Variants in ABCA3 observed in about 807,000 individuals in gnomAD.
ABCA3 encodes the protein ATP binding cassette subfamily A member 3.
In ABCA3, 88 loss-of-function variants were observed where a neutral mutation model predicts 172.8. That is an observed-to-expected ratio of 0.51 (90% CI 0.43 to 0.61). The LOEUF is 0.61. ABCA3 is among the 20% of genes least tolerant of loss of function. The pLI, the probability that ABCA3 is intolerant of heterozygous loss-of-function variation, is 0.00. For synonymous variants in ABCA3, 1,066 were observed against 983.8 expected, an observed-to-expected ratio of 1.08 and a Z score of -1.56; for missense variants, 2,164 against 2,301.0, an observed-to-expected ratio of 0.94 and a Z score of 1.22.
chr16:2,325,104 G>A (rs766220282), intron 5 of ABCA3, among the ~76,000 whole-genome samples: 16 of 149,922 alleles, frequency 1.1e-4, no homozygotes, highest in Non-Finnish European at 7.3e-5. Context: ...CCGACAGCAA[G>A]GGTTTAGGAA....
chr16:2,276,873 T>C, intron 32 of ABCA3, 68 bp from the exon 33 acceptor site: 1 of 1,597,388 alleles, frequency 6.3e-7, no homozygotes, highest in East Asian at 2.2e-5. Flanking sequence ...GACCTGGGAG[T>C]CCTCTGGCAA....
At chr16:2,290,311 C>T (rs1434210600) in intron 19 of ABCA3, among the ~76,000 whole-genome samples, 3 of 152,224 alleles carry the variant, frequency 2.0e-5, no homozygotes, top group Non-Finnish European at 2.9e-5. Context: ...TGCCCATGGT[C>T]TGAGCTCCGG....
In ABCA3 at chr16:2,302,956, A is replaced by AT. The variant is rs576672742; in HGVS notation, c.1467+1012dup. On this transcript the variant is annotated intron_variant, in intron 12 of 32. Transcript: ENST00000301732. ...AGGCGCCTGCCACCACACCCAGCTA[A>AT]TTTTTTTTTTTTGTATTTCTTTAGT... 3.6e-3 allele frequency among the ~76,000 whole-genome samples: 501 copies of AT among 139,388 alleles called. 9 individuals carry two copies. The East Asian group carries it at 0.05, about 14-fold the overall frequency. 91.4% of individuals were successfully genotyped at this position (139,388 alleles called of 152,430 possible).
chr16:2,314,058 G>A (rs1462756708), intron 10 of ABCA3, among the ~76,000 whole-genome samples: 1 of 152,164 alleles, frequency 6.6e-6, no homozygotes, highest in Non-Finnish European at 1.5e-5. Flanking sequence ...CACCGGTGCA[G>A]ACACTGCGGG....
At position 2,279,279 on chromosome 16, in the gene ABCA3, C is replaced by T; in HGVS notation, c.4360-149G>A. The T allele has an allele frequency of 2.1e-6, 2 of 934,970 alleles. No homozygotes were observed. Among genetic ancestry groups the T allele is most frequent in the South Asian group, 1.6e-5 (1 of 64,316 alleles). 57.9% of individuals were successfully genotyped at this position (934,970 alleles called of 1,614,324 possible). On this transcript the variant is annotated intron_variant, in intron 28 of 32. Transcript: ENST00000301732. The surrounding 1 kb of genome is among the most constrained non-coding windows in gnomAD (Gnocchi z 4.4). ...TGTACACGGGGGCGCTGGAGCTATG[C>T]ACAGGCCGTGGTGGCTGCCCACAGT... is the stretch of plus-strand genomic sequence containing the variant.
intron 5 of ABCA3, among the ~76,000 whole-genome samples, chr16:2,325,270 A>G (rs986776895): frequency 1.3e-5 from 2 of 152,176 alleles, no homozygotes; most frequent in Non-Finnish European, 2.9e-5. Flanking sequence ...CCCTGGCTCA[A>G]GTCCACCCAG....
chr16:2,277,688 G>T lies in ABCA3; in HGVS notation c.4910-18C>A, dbSNP rs757403320. The T allele has an allele frequency of 1.2e-5, 20 of 1,612,886 alleles. No individual in the cohort carries two copies. Among genetic ancestry groups the T allele is most frequent in the Non-Finnish European group, 1.7e-5 (20 of 1,179,940 alleles). ...GACGCTGCCTGCACAAAGGAGAGAC[G>T]GTGTTGCTGTGAGCGCCGGGCTGGA... On this transcript the variant is annotated intron_variant, in intron 31 of 32. Coordinates refer to ENST00000301732, the MANE Select transcript of ABCA3 (RefSeq NM_001089.3). The surrounding 1 kb of genome is among the most constrained non-coding windows in gnomAD (Gnocchi z 5.3).
chr16:2,325,923 C>G, intron 5 of ABCA3, 87 bp downstream of exon 5: 2 of 1,587,436 alleles, frequency 1.3e-6, no homozygotes, highest in Admixed American at 3.4e-5. Context: ...CACCCAGCTG[C>G]TTCGCACATC....
chr16:2,317,875 T>A (rs1013720870), intron 8 of ABCA3, 111 bp from the exon 9 acceptor site: 163 of 942,488 alleles, frequency 1.7e-4, no homozygotes, highest in Non-Finnish European at 2.4e-4. Flanking sequence ...CAGCCCTGCA[T>A]TCGACAGGGT....
rs58185595 is a variant in ABCA3 at position 2,324,609 on chromosome 16, G to C, written c.320-78C>G. 72 of 1,590,430 alleles carry C rather than the reference G, an allele frequency of 4.5e-5. No individual in the cohort carries two copies. The African/African-American group carries it at 8.7e-4, about 19-fold the overall frequency. Reference sequence around the variant, plus strand: ...AAAAATCTGCGTGGTTCAGGTCACTGGCAGATGAAAGACGGCAAATCCTCT... The same window carrying C: ...AAAAATCTGCGTGGTTCAGGTCACTCGCAGATGAAAGACGGCAAATCCTCT... On this transcript the variant is annotated intron_variant, in intron 5 of 32. Transcript: ENST00000301732.
chr16:2,290,583 C>G (rs1364940318), intron 19 of ABCA3, among the ~76,000 whole-genome samples: 2 of 152,316 alleles, frequency 1.3e-5, no homozygotes, highest in Admixed American at 6.5e-5. Flanking sequence ...GACTCCAGGC[C>G]AGCCCGTGGT....
chr16:2,323,350 G>GCA (rs932009860), intron 7 of ABCA3, 173 bp downstream of exon 7: 1 of 793,888 alleles, frequency 1.3e-6, no homozygotes, highest in African/African-American at 1.7e-5. Flanking sequence ...AAGGACACAT[G>GCA]CACACGTATG....
In ABCA3 at chr16:2,284,232, C is replaced by G; in HGVS notation, c.3862+47G>C. On this transcript the variant is annotated intron_variant, in intron 25 of 32. Transcript: ENST00000301732. The surrounding 1 kb of genome is among the most constrained non-coding windows in gnomAD (Gnocchi z 5.9). ...GGAGGCCCCTCTGCAGTGACCACGTCCTGAGGACGCAGGGGTGCTGCCCGG... is the reference window on the plus strand; with the variant it reads ...GGAGGCCCCTCTGCAGTGACCACGTGCTGAGGACGCAGGGGTGCTGCCCGG... 6.3e-7 allele frequency: 1 copy of G among 1,593,030 alleles called. No individual in the cohort carries two copies. The highest frequency in any genetic ancestry group is 8.6e-7 in the Non-Finnish European group (1 of 1,168,710).
Position 2,287,245 on chromosome 16 carries a change from C to G in ABCA3, c.3005-278G>C, listed in dbSNP as rs1803663804. On this transcript the variant is annotated intron_variant, in intron 21 of 32. Coordinates refer to ENST00000301732, the MANE Select transcript of ABCA3 (RefSeq NM_001089.3). The surrounding 1 kb of genome is among the most constrained non-coding windows in gnomAD (Gnocchi z 4.1). ...CATTAACCAGAGCACGGTCCCTGTT[C>G]TGAGCCTGGGGCAGTATCCAACTAT... Among the ~76,000 whole-genome samples, 1 of 152,068 alleles carries G rather than the reference C, an allele frequency of 6.6e-6. No individual in the cohort carries two copies. Among genetic ancestry groups the G allele is most frequent in the South Asian group, 2.1e-4 (1 of 4,830 alleles).
Position 2,285,144 on chromosome 16 carries a change from CCCCCG to C in ABCA3, c.3484-151_3484-147del, listed in dbSNP as rs1303087148. Reference sequence around the variant, plus strand: ...CATCAGCCCCACAGGCCACGTCTGGCCCCCGCGGTGGCTTTCAGCCCCAGGACCCT... The same window carrying C: ...CATCAGCCCCACAGGCCACGTCTGGCCGGTGGCTTTCAGCCCCAGGACCCT... On this transcript the variant is annotated intron_variant, in intron 23 of 32. Transcript: ENST00000301732. This position sits in a 1 kb window ranked among gnomAD's most constrained non-coding sequence, Gnocchi z 4.7. The C allele has an allele frequency of 1.7e-5, 17 of 983,564 alleles. No homozygotes were observed. The highest frequency in any genetic ancestry group is 2.5e-5 in the Non-Finnish European group (16 of 647,446). 60.9% of individuals were successfully genotyped at this position (983,564 alleles called of 1,614,324 possible). A position where few individuals can be genotyped will look rare whatever the true frequency, so the allele number is the denominator to read the frequency against.
At chr16:2,326,630 G>A in intron 3 of ABCA3, 138 bp from the exon 4 acceptor site, 2 of 929,596 alleles carry the variant, frequency 2.2e-6, no homozygotes, top group African/African-American at 1.6e-5. Context: ...AACACCCCTG[G>A]AGGGAAGGGT....
At chr16:2,330,462 A>G (rs759810253) in intron 1 of ABCA3, among the ~76,000 whole-genome samples, 24 of 148,588 alleles carry the variant, frequency 1.6e-4, no homozygotes, top group Non-Finnish European at 3.4e-4. Flanking sequence ...TGGGATTACA[A>G]GCACCCACCA....
At chr16:2,280,402 C>T (rs2093653206) in intron 28 of ABCA3, among the ~76,000 whole-genome samples, 1 of 152,226 alleles carries the variant, frequency 6.6e-6, no homozygotes, top group Non-Finnish European at 1.5e-5. Flanking sequence ...CCCTGGAACC[C>T]TCTATGGGGG....
In ABCA3 at chr16:2,278,974, G is replaced by A. The variant is rs1222506007; in HGVS notation, c.4516C>T (p.Pro1506Ser). Residue 1506 changes from proline to serine, a missense_variant, in exon 29 of 33, where the codon CCA (proline) becomes TCA (serine). Coordinates refer to ENST00000301732, the MANE Select transcript of ABCA3 (RefSeq NM_001089.3). This position sits in a 1 kb window ranked among gnomAD's most constrained non-coding sequence, Gnocchi z 4.4. ...GTCCTGACCAGCTTGTTGGCATGTG[G>A]CTCCAGCAGCAGGCCCCGCAGAGTG... ...ENTLRGLLLE[P>S]HANKLVRTYS... is the part of the protein sequence containing the mutation. 1 of 1,613,618 alleles carries A rather than the reference G, an allele frequency of 6.2e-7. No individual in the cohort carries two copies. The highest frequency in any genetic ancestry group is 1.1e-5 in the South Asian group (1 of 91,086).
Sources: gnomAD v4.1 joint callset for allele counts (sites outside exome capture counted in the v4.1 genomes callset) on GRCh38, gnomAD v4.1.1 for gene constraint, Gnocchi (gnomAD v3.1) non-coding constraint, MANE v1.5 for transcripts, NCBI Gene and HGNC (gene_info 2026-07-23, HGNC 2026-07-21) for gene names.